RIT2: variants seen among roughly 807,000 people sequenced by gnomAD.
RIT2 encodes GTP-binding protein Rit2.
RIT2 carries 24 observed loss-of-function variants against 23.7 expected under a neutral mutation model. The observed-to-expected ratio is 1.01, with a 90% CI of 0.73 to 1.43. The LOEUF (loss-of-function observed/expected upper bound fraction) is 1.43. Among genes scored for constraint, RIT2 ranks in the 40% most tolerant of loss-of-function variants. The probability of loss-of-function intolerance (pLI) is 0.00; values close to 1 mark genes in which losing one functional copy is unlikely to be tolerated. For synonymous variants in RIT2, 107 were observed against 91.1 expected, an observed-to-expected ratio of 1.17 and a Z score of -0.99; for missense variants, 236 against 266.9, an observed-to-expected ratio of 0.88 and a Z score of 0.81.
At chr18:43,017,217 G>T (rs1306146737) in intron 2 of RIT2, among the ~76,000 whole-genome samples, 1 of 151,900 alleles carries the variant, frequency 6.6e-6, no homozygotes, top group Non-Finnish European at 1.5e-5. Context: ...TGCACACTTT[G>T]TTAGCTCATT....
In RIT2 at chr18:43,040,875, A is replaced by G. The variant is rs568894805; in HGVS notation, c.104-7008T>C. ...AACTTTGGCTTTAATGTTACTCTGT[A>G]TCTTACTAGCTTCTATAAGAAATGC... On this transcript the variant is annotated intron_variant, in intron 1 of 4. Transcript: ENST00000326695. Among the ~76,000 whole-genome samples the G allele has an allele frequency of 7.9e-5, 12 of 152,288 alleles. 1 individual carries two copies. Among genetic ancestry groups the G allele is most frequent in the African/African-American group, 2.9e-4 (12 of 41,574 alleles).
chr18:43,003,100 G>C (rs1287990649), intron 2 of RIT2, among the ~76,000 whole-genome samples: 1 of 151,910 alleles, frequency 6.6e-6, no homozygotes, highest in African/African-American at 2.4e-5. Context: ...AGGAACTCAG[G>C]CTGGCTGGTA....
At chr18:42,751,022 T>A (rs1238209445) in intron 4 of RIT2, among the ~76,000 whole-genome samples, 4 of 151,862 alleles carry the variant, frequency 2.6e-5, no homozygotes, top group Non-Finnish European at 4.4e-5. Context: ...CAGTGGGACA[T>A]TAGTTAAGGC....
At chr18:42,812,759 G>A (rs1044140885) in intron 4 of RIT2, among the ~76,000 whole-genome samples, 1 of 152,062 alleles carries the variant, frequency 6.6e-6, no homozygotes, top group African/African-American at 2.4e-5. Context: ...CATGCTGATT[G>A]GATAGACTGA....
chr18:42,774,855 G>A (rs558689907), intron 4 of RIT2, among the ~76,000 whole-genome samples: 2 of 152,040 alleles, frequency 1.3e-5, no homozygotes, highest in East Asian at 3.9e-4. Flanking sequence ...ATGGAAACAT[G>A]AGCACGACCA....
At chr18:42,789,509 A>G (rs530167341) in intron 4 of RIT2, among the ~76,000 whole-genome samples, 2 of 152,194 alleles carry the variant, frequency 1.3e-5, no homozygotes, top group East Asian at 3.9e-4. Flanking sequence ...TATTTATTTC[A>G]TTGATGTTTT....
intron 4 of RIT2, among the ~76,000 whole-genome samples, chr18:42,757,965 G>C (rs894191699): frequency 1.3e-5 from 2 of 151,176 alleles, no homozygotes; most frequent in Non-Finnish European, 2.9e-5. Context: ...ACTGATTCTT[G>C]TCAAGTTTGA....
intron 4 of RIT2, among the ~76,000 whole-genome samples, chr18:42,754,706 G>C (rs1913121269): frequency 1.3e-5 from 2 of 152,128 alleles, no homozygotes; most frequent in South Asian, 4.2e-4. Flanking sequence ...AATCCTCATT[G>C]TGCCACACAA....
intron 1 of RIT2, among the ~76,000 whole-genome samples, chr18:43,083,424 C>T (rs1299960634): frequency 6.6e-6 from 1 of 152,144 alleles, no homozygotes; most frequent in Non-Finnish European, 1.5e-5. Context: ...ATATCCAAGA[C>T]AATCCAAAGC....
At chr18:42,966,341 T>C (rs1910223849) in intron 3 of RIT2, among the ~76,000 whole-genome samples, 1 of 152,176 alleles carries the variant, frequency 6.6e-6, no homozygotes, top group Non-Finnish European at 1.5e-5. Context: ...TGAGAGATAA[T>C]TGAATGACAT....
chr18:42,888,324 TTTTG>T (rs1042524595), intron 4 of RIT2, among the ~76,000 whole-genome samples: 2 of 151,990 alleles, frequency 1.3e-5, no homozygotes, highest in South Asian at 2.1e-4. Flanking sequence ...AAGGGTTTTT[TTTTG>T]TTTGTTTGTT....
chr18:42,766,812 C>T (rs1174338926), intron 4 of RIT2, among the ~76,000 whole-genome samples: 1 of 152,148 alleles, frequency 6.6e-6, no homozygotes, highest in Non-Finnish European at 1.5e-5. Context: ...GGACTTGGTG[C>T]CCTGTGTCCC....
intron 1 of RIT2, among the ~76,000 whole-genome samples, chr18:43,090,289 A>T (rs1016984695): frequency 1.3e-5 from 2 of 152,228 alleles, no homozygotes; most frequent in Non-Finnish European, 2.9e-5. Context: ...ATCACTGATC[A>T]TTAGAGAAAT....
chr18:42,788,710 T>C (rs1031830081), intron 4 of RIT2, among the ~76,000 whole-genome samples: 1 of 152,316 alleles, frequency 6.6e-6, no homozygotes, highest in Non-Finnish European at 1.5e-5. Flanking sequence ...TTGATGATAC[T>C]GTCATTTATT....
chr18:42,831,618 A>G (rs1276969746), intron 4 of RIT2, among the ~76,000 whole-genome samples: 1 of 152,116 alleles, frequency 6.6e-6, no homozygotes, highest in Non-Finnish European at 1.5e-5. Flanking sequence ...AATGTGACGG[A>G]GGGTCTAGGA....
rs548606194 is a variant in RIT2, at chr18:42,866,104, C to T, written c.426+57468G>A. 2.8e-4 allele frequency among the ~76,000 whole-genome samples: 42 copies of T among 152,272 alleles called. 1 individual carries two copies. The South Asian group carries it at 8.5e-3, about 31-fold the overall frequency. ...TACAGTCCATAGATAAAGCAATTGA[C>T]AAAAGATGCCTTGGACCTGAGTGGG... On this transcript the variant is annotated intron_variant, in intron 4 of 4. Transcript: ENST00000326695.
chr18:42,978,055 G>A (rs1174923300), intron 2 of RIT2, among the ~76,000 whole-genome samples: 2 of 151,722 alleles, frequency 1.3e-5, no homozygotes, highest in Non-Finnish European at 2.9e-5. Flanking sequence ...GTGACCCAAG[G>A]ATTATAAGTG....
Position 43,043,249 on chromosome 18 carries a change from G to T in RIT2, c.104-9382C>A, listed in dbSNP as rs954884361. Among the ~76,000 whole-genome samples the T allele has an allele frequency of 3.3e-5, 5 of 152,114 alleles. No individual in the cohort carries two copies. In the East Asian group the frequency reaches 9.7e-4, roughly 29 times the overall value. ...TGTTTTGAGAGCCATGCAGTAACTTGGTTAGGTTACAGAGCAATATCAAGG... is the reference window on the plus strand; with the variant it reads ...TGTTTTGAGAGCCATGCAGTAACTTTGTTAGGTTACAGAGCAATATCAAGG... On this transcript the variant is annotated intron_variant, in intron 1 of 4. Coordinates refer to ENST00000326695, the MANE Select transcript of RIT2 (RefSeq NM_002930.4).
In RIT2 at chr18:42,946,297, T is replaced by C. The variant is rs112587925; in HGVS notation, c.235-22534A>G. 7.7e-3 allele frequency among the ~76,000 whole-genome samples: 1,172 copies of C among 152,200 alleles called. 8 individuals are homozygous for C. The highest frequency in any genetic ancestry group is 0.048 in the Middle Eastern group (14 of 294). On this transcript the variant is annotated intron_variant, in intron 3 of 4. Coordinates refer to ENST00000326695, the MANE Select transcript of RIT2 (RefSeq NM_002930.4). ...TTTCTAACAAGTTCCCAGTTGATAG[T>C]GATAATGCTGTTCTGAAAACCACAC... is the stretch of plus-strand genomic sequence containing the variant.
Sources: allele counts gnomAD v4.1 joint callset (sites outside exome capture counted in the v4.1 genomes callset), GRCh38; gene constraint gnomAD v4.1.1; transcripts MANE v1.5; gene names NCBI Gene and HGNC (gene_info 2026-07-23, HGNC 2026-07-21).